MTRF1: variants seen among roughly 807,000 people sequenced by gnomAD.
MTRF1 encodes the protein mitochondrial translation release factor 1.
Under a neutral mutation model 62.9 loss-of-function variants are expected in MTRF1, and 51 were observed. The ratio of observed to expected loss-of-function variants is 0.81; its 90% CI spans 0.65 to 1.02. The LOEUF (loss-of-function observed/expected upper bound fraction) is 1.02, where lower values mean the gene tolerates loss of function less well. MTRF1 is among the 50% of genes least tolerant of loss of function. MTRF1 has a pLI of 0.00. For missense variants in MTRF1, 446 were observed against 530.0 expected, an observed-to-expected ratio of 0.84 and a Z score of 1.56; for synonymous variants, 158 against 181.9, an observed-to-expected ratio of 0.87 and a Z score of 1.06.
At chr13:41,233,855 AG>A (rs1566090712) in intron 7 of MTRF1, 34 bp downstream of exon 7, 1 of 1,479,844 alleles carries the variant, frequency 6.8e-7, no homozygotes, top group African/African-American at 1.4e-5. Flanking sequence ...AGATGGAAAA[AG>A]GGTTAAAAGT....
At chr13:41,243,846 G>C (rs576635027) in intron 5 of MTRF1, among the ~76,000 whole-genome samples, 6 of 152,104 alleles carry the variant, frequency 3.9e-5, no homozygotes, top group Non-Finnish European at 8.8e-5. Context: ...AACAGTCTCA[G>C]AATACTAATA....
intron 5 of MTRF1, among the ~76,000 whole-genome samples, chr13:41,240,693 C>T (rs1385779177): frequency 1.3e-5 from 2 of 152,082 alleles, no homozygotes; most frequent in Non-Finnish European, 2.9e-5. Context: ...GCTAGTGATG[C>T]AACAATAGGA....
At position 41,263,543 on chromosome 13, in the gene MTRF1, C is replaced by G. The variant is rs947324951; in HGVS notation, c.-67G>C. 3 of 216,120 alleles carry G rather than the reference C, an allele frequency of 1.4e-5. No homozygotes were observed. Among genetic ancestry groups the G allele is most frequent in the Admixed American group, 5.4e-5 (1 of 18,626 alleles). 13.4% of individuals were successfully genotyped at this position (216,120 alleles called of 1,614,324 possible). On this transcript the variant is annotated 5_prime_UTR_variant, in exon 1 of 10. Coordinates refer to ENST00000379480, the MANE Select transcript of MTRF1 (RefSeq NM_004294.4). ...TACTGAGGTCGGAACCTTCCGAGAC[C>G]CGCCACATTTCAGCCCGACAAACCC...
At chr13:41,260,940 TAA>T in intron 1 of MTRF1, 25 bp from the exon 2 acceptor site, 1 of 1,409,992 alleles carries the variant, frequency 7.1e-7, no homozygotes, top group Non-Finnish European at 9.5e-7. Context: ...ACACAGTCTT[TAA>T]AAAAAAATCA....
At chr13:41,269,016 CTTT>C in the MTRF1 span, among the ~76,000 whole-genome samples, 4 of 138,702 alleles carry the variant, frequency 2.9e-5, no homozygotes, top group African/African-American at 7.9e-5. Context: ...GTGACCATCC[CTTT>C]TTTTTTTTTT....
intron 6 of MTRF1, 125 bp downstream of exon 6, chr13:41,240,136 C>G: frequency 1.0e-6 from 1 of 962,658 alleles, no homozygotes; most frequent in Non-Finnish European, 1.5e-6. Context: ...GTACTCCAAC[C>G]TGGGCGACAG....
intron 5 of MTRF1, among the ~76,000 whole-genome samples, chr13:41,245,249 C>CT (rs35926535): frequency 0.54 from 79,177 of 147,660 alleles, 21,483 homozygotes; most frequent in South Asian, 0.62. Flanking sequence ...CTTCATATTG[C>CT]TTTTTTTTTT....
chr13:41,239,101 TA>T (rs911014745), intron 6 of MTRF1, among the ~76,000 whole-genome samples: 98 of 142,602 alleles, frequency 6.9e-4, no homozygotes, highest in Non-Finnish European at 7.6e-4. Context: ...GGATCCTGGA[TA>T]AAAAAAAAAA....
intron 2 of MTRF1, chr13:41,257,817 GGAGGGGGAAT>G (rs1355736303): frequency 9.0e-6 from 4 of 444,582 alleles, no homozygotes; most frequent in Non-Finnish European, 1.4e-5. Flanking sequence ...ACAAAAAGGG[GGAGGGGGAAT>G]AATCATATAT....
chr13:41,273,887 T>TG, the MTRF1 span, among the ~76,000 whole-genome samples: 13,649 of 152,078 alleles, frequency 0.09, 2,095 homozygotes, highest in African/African-American at 0.31. Flanking sequence ...TCTGGTAAGG[T>TG]GGGGCGACTC....
At chr13:41,234,104 A>G in intron 6 of MTRF1, 97 bp from the exon 7 acceptor site, 2 of 964,792 alleles carry the variant, frequency 2.1e-6, no homozygotes, top group African/African-American at 1.6e-5. Context: ...GTTTTAAGAT[A>G]AATTATAGCC....
chr13:41,231,610 T>TA (rs1446173068), intron 7 of MTRF1, among the ~76,000 whole-genome samples: 1 of 152,074 alleles, frequency 6.6e-6, no homozygotes, highest in Non-Finnish European at 1.5e-5. Context: ...GGGTCCCTAA[T>TA]AAAAAAGCTG....
intron 2 of MTRF1, among the ~76,000 whole-genome samples, chr13:41,258,800 A>C (rs1413324659): frequency 6.6e-6 from 1 of 152,202 alleles, no homozygotes; most frequent in Admixed American, 6.5e-5. Context: ...ATTTAAAAAT[A>C]TCATGCTTCA....
the MTRF1 span, among the ~76,000 whole-genome samples, chr13:41,277,411 C>A: frequency 6.6e-6 from 1 of 152,190 alleles, no homozygotes. Flanking sequence ...GGATTACAGG[C>A]ATGAGTCACC....
At chr13:41,296,850 C>T in the MTRF1 span, among the ~76,000 whole-genome samples, 1,137 of 152,092 alleles carry the variant, frequency 7.5e-3, 18 homozygotes, top group African/African-American at 0.025. Context: ...AAATGCTGCA[C>T]GTAATAGCAA....
At chr13:41,232,266 C>T (rs1490095166) in intron 7 of MTRF1, among the ~76,000 whole-genome samples, 2 of 151,564 alleles carry the variant, frequency 1.3e-5, no homozygotes, top group South Asian at 2.1e-4. Context: ...CAAGAAAGAG[C>T]TCTCAAAAGT....
the MTRF1 span, among the ~76,000 whole-genome samples, chr13:41,270,545 G>A: frequency 6.6e-6 from 1 of 151,984 alleles, no homozygotes; most frequent in African/African-American, 2.4e-5. Flanking sequence ...CACTACCCTA[G>A]GCAGTTGTTA....
upstream of MTRF1, among the ~76,000 whole-genome samples, chr13:41,265,706 ATGG>A (rs1205315101): frequency 6.6e-6 from 1 of 152,104 alleles, no homozygotes; most frequent in Non-Finnish European, 1.5e-5. Flanking sequence ...ACACTGTGAG[ATGG>A]TGGCCACCTA....
In MTRF1 at chr13:41,223,306, G is replaced by C. The variant is rs763950190; in HGVS notation, c.1174C>G (p.Gln392Glu). The C allele has an allele frequency of 2.5e-6, 4 of 1,613,982 alleles. No homozygotes were observed. Among genetic ancestry groups the C allele is most frequent in the Non-Finnish European group, 2.5e-6 (3 of 1,179,948 alleles). ...ATCCTGTGGTCACTGACTCTATCCTGGGTGAAATTATATGTCCGAATTCGC... is the reference window on the plus strand; with the variant it reads ...ATCCTGTGGTCACTGACTCTATCCTCGGTGAAATTATATGTCCGAATTCGC... ...SERIRTYNFT[Q>E]DRVSDHRIAY... The change falls in exon 9 of 10, where the codon CAG becomes GAG. Residue 392 changes from glutamine to glutamate, a missense_variant. Gln to Glu is a conservative substitution (Grantham distance 29, BLOSUM62 2). Coordinates refer to ENST00000379480, the MANE Select transcript of MTRF1 (RefSeq NM_004294.4).
Sources: gnomAD v4.1 joint callset for allele counts (sites outside exome capture counted in the v4.1 genomes callset) on GRCh38, gnomAD v4.1.1 for gene constraint, MANE v1.5 for transcripts, NCBI Gene and HGNC (gene_info 2026-07-23, HGNC 2026-07-21) for gene names.